The following TNN variants were observed in gnomAD, a reference collection of about 807,000 sequenced individuals.
TNN encodes tenascin-N.
In TNN, 122 loss-of-function variants were observed where a neutral mutation model predicts 134.4. The ratio of observed to expected loss-of-function variants is 0.91; its 90% confidence interval spans 0.78 to 1.06. TNN has a LOEUF of 1.06. Among genes scored for constraint, TNN ranks in the 50% least tolerant of loss-of-function variants. The pLI, the probability that TNN is intolerant of heterozygous loss-of-function variation, is 0.00. For synonymous variants in TNN, 710 were observed against 670.3 expected (o/e 1.06, Z -0.91); for missense variants, 1,739 against 1,699.4 (o/e 1.02, Z -0.41).
chr1:175,098,632 C>T (rs376917079), intron 9 of TNN, 37 bp downstream of exon 9: 3 of 1,613,242 alleles, frequency 1.9e-6, no homozygotes, highest in African/African-American at 2.7e-5. Flanking sequence ...CGATGCCATG[C>T]TCAGGGTCTG....
intron 12 of TNN, among the ~76,000 whole-genome samples, chr1:175,125,277 C>T (rs375003884): frequency 1.3e-4 from 19 of 151,964 alleles, no homozygotes; most frequent in Non-Finnish European, 1.9e-4. Flanking sequence ...AGCCTGGAGA[C>T]GTCTTTTTGG....
At chr1:175,078,948 G>T (rs1382420715) in intron 2 of TNN, among the ~76,000 whole-genome samples, 4 of 152,116 alleles carry the variant, frequency 2.6e-5, no homozygotes, top group African/African-American at 9.7e-5. Flanking sequence ...TGCAGTGTCA[G>T]CTGGCCAGGG....
chr1:175,141,033 T>C (rs1675933943), intron 17 of TNN, among the ~76,000 whole-genome samples: 1 of 152,194 alleles, frequency 6.6e-6, no homozygotes, highest in Admixed American at 6.5e-5. Context: ...GCATGCAGCC[T>C]GGCAGGAATG....
chr1:175,092,840 C>T (rs1355295617), intron 6 of TNN, among the ~76,000 whole-genome samples: 1 of 152,194 alleles, frequency 6.6e-6, no homozygotes, highest in Non-Finnish European at 1.5e-5. Context: ...CATGTTGAAT[C>T]CATCAGCAGA....
intron 9 of TNN, among the ~76,000 whole-genome samples, chr1:175,112,347 C>T (rs1351283493): frequency 6.6e-6 from 1 of 151,888 alleles, no homozygotes; most frequent in Admixed American, 6.6e-5. Flanking sequence ...CACTTGTATC[C>T]TCTTGCTGAA....
In TNN at chr1:175,088,627, G is replaced by A. The variant is rs564493376; in HGVS notation, c.1324+3133G>A. ...AAGCCTTCCTGTAGCCAGACTGTTT[G>A]TGGGGTTTCCTAACAGAAAGCTTAT... On this transcript the variant is annotated intron_variant, in intron 6 of 18. Coordinates refer to ENST00000239462, the MANE Select transcript of TNN (RefSeq NM_022093.2). 3.3e-5 allele frequency among the ~76,000 whole-genome samples: 5 copies of A among 152,296 alleles called. No homozygotes were observed. In the East Asian group the frequency reaches 7.7e-4, roughly 23 times the overall value.
rs764539179 is a variant in TNN, at chr1:175,135,888, G to T, written c.3374G>T (p.Arg1125Leu). ...RNTGQLDFFK[R>L]WRSYVEGFGD... The stretch of plus-strand genomic sequence containing the variant: ...ACTGGGCAGCTGGATTTCTTCAAGC[G>T]ATGGAGGAGCTATGTGGAAGGCTTT... Residue 1125 changes from arginine (R) to leucine (L), a missense_variant, in exon 16 of 19, where the codon CGA (arginine) becomes CTA (leucine). Physicochemically the swap from Arg to Leu is moderately radical, Grantham distance 102. Coordinates refer to ENST00000239462, the MANE Select transcript of TNN (RefSeq NM_022093.2). 1.2e-6 allele frequency: 2 copies of T among 1,613,846 alleles called. No individual in the cohort carries two copies. Among genetic ancestry groups the T allele is most frequent in the Admixed American group, 1.7e-5 (1 of 60,000 alleles).
rs377601989 is a variant in TNN at position 175,112,202 on chromosome 1, C to T, written c.2120-4737C>T. On this transcript the variant is annotated intron_variant, in intron 9 of 18. Transcript: ENST00000239462. ...CTTGTTTAGGGTTTTTATCATGAAA[C>T]GTTGTTGAATGTTATCAAATGCTTT... is the stretch of plus-strand genomic sequence containing the variant. Among the ~76,000 whole-genome samples, 4 of 151,912 alleles carry T rather than the reference C, an allele frequency of 2.6e-5. No homozygotes were observed. In the East Asian group the frequency reaches 5.8e-4, roughly 22 times the overall value.
chr1:175,093,563 CTG>C (rs141030186), intron 6 of TNN, among the ~76,000 whole-genome samples: 4,781 of 151,720 alleles, frequency 0.032, 250 homozygotes, highest in African/African-American at 0.11. Flanking sequence ...GGCCTGGAAA[CTG>C]TGATTTGGAA....
rs1388007949 is a variant in TNN, at chr1:175,077,568, G to A, written c.150G>A (p.Val50=). The A allele has an allele frequency of 6.2e-7, 1 of 1,614,116 alleles. No individual in the cohort carries two copies. Residue 50 remains valine (V), a synonymous_variant, in exon 2 of 19, where the codon GTG becomes GTA. Coordinates refer to ENST00000239462, the MANE Select transcript of TNN (RefSeq NM_022093.2). Reference sequence around the variant, plus strand: ...TCAGCCACACCTACAAGATCGATGTGCCCAAGTCTGCCTTGGTTCAGGTTG... The same window carrying A: ...TCAGCCACACCTACAAGATCGATGTACCCAAGTCTGCCTTGGTTCAGGTTG... The part of the protein sequence containing the change: ...VTVSHTYKID[V]PKSALVQVDA...
intron 7 of TNN, among the ~76,000 whole-genome samples, chr1:175,096,151 G>A (rs1674563491): frequency 1.3e-5 from 2 of 152,228 alleles, no homozygotes; most frequent in African/African-American, 4.8e-5. Context: ...ACTGAAGAAA[G>A]GGGACCTACC....
intron 15 of TNN, among the ~76,000 whole-genome samples, chr1:175,131,505 G>A (rs1334241166): frequency 6.6e-6 from 1 of 152,240 alleles, no homozygotes; most frequent in East Asian, 1.9e-4. Context: ...TCATTATAGG[G>A]TGTTTTCATC....
At chr1:175,108,757 G>C (rs973233387) in intron 9 of TNN, among the ~76,000 whole-genome samples, 3 of 151,424 alleles carry the variant, frequency 2.0e-5, no homozygotes, top group Non-Finnish European at 2.9e-5. Flanking sequence ...TCTGAGTGCG[G>C]GGCCCTCCAA....
intron 18 of TNN, 72 bp from the exon 19 acceptor site, chr1:175,146,859 T>C (rs546480873): frequency 3.6e-6 from 5 of 1,377,402 alleles, no homozygotes; most frequent in African/African-American, 1.5e-5. Flanking sequence ...ATTAATTCCT[T>C]TGTACCATAA....
At chr1:175,110,705 A>G (rs953301302) in intron 9 of TNN, among the ~76,000 whole-genome samples, 2 of 152,084 alleles carry the variant, frequency 1.3e-5, no homozygotes, top group African/African-American at 4.8e-5. Flanking sequence ...TGGGTTCTCT[A>G]TTCTGTTCCA....
At position 175,067,856 on chromosome 1, in the gene TNN, G is replaced by GC. The variant is rs1359660856; in HGVS notation, c.-114dup. ...GAGAGACGAGAACCAGGGACGACCAGCAAGTACCAAGGTCTGCGGCAGGAG... is the reference window on the plus strand; with the variant it reads ...GAGAGACGAGAACCAGGGACGACCAGCCAAGTACCAAGGTCTGCGGCAGGAG... On this transcript the variant is annotated 5_prime_UTR_variant, in exon 1 of 19. Transcript: ENST00000239462. 2.0e-6 allele frequency: 1 copy of GC among 500,738 alleles called. No individual in the cohort carries two copies. The highest frequency in any genetic ancestry group is 2.1e-5 in the Admixed American group (1 of 48,762). The allele number at this position is 500,738 out of a possible 1,614,324, so 31.0% of individuals were successfully genotyped here.
At chr1:175,090,610 C>A (rs145335811) in intron 6 of TNN, among the ~76,000 whole-genome samples, 1 of 152,186 alleles carries the variant, frequency 6.6e-6, no homozygotes, top group Non-Finnish European at 1.5e-5. Context: ...CAGGAGCTTT[C>A]GGATGTTACA....
rs963163887 is a variant in TNN at position 175,123,508 on chromosome 1, C to T, written c.2759C>T (p.Thr920Ile). The change falls in exon 12 of 19, where the codon ACC becomes ATC. Residue 920 changes from threonine (T) to isoleucine (I), a missense_variant. Thr to Ile is a moderately conservative substitution (Grantham distance 89, BLOSUM62 -1). Coordinates refer to ENST00000239462, the MANE Select transcript of TNN (RefSeq NM_022093.2). ...ATTGACAAGTACATGGTGCGCTACACCTCTGCTGACGGAGAGACCAGGGAG... is the reference window on the plus strand; with the variant it reads ...ATTGACAAGTACATGGTGCGCTACATCTCTGCTGACGGAGAGACCAGGGAG... Reference protein sequence around the residue: ...ATIDKYMVRYTSADGETREVP... With the variant: ...ATIDKYMVRYISADGETREVP... The T allele has an allele frequency of 3.7e-6, 6 of 1,613,966 alleles. No individual in the cohort carries two copies. Among genetic ancestry groups the T allele is most frequent in the Middle Eastern group, 1.6e-4 (1 of 6,082 alleles).
In TNN at chr1:175,117,162, G is replaced by C. The variant is rs1252654278; in HGVS notation, c.2343G>C (p.Lys781Asn). 6.2e-7 allele frequency: 1 copy of C among 1,614,144 alleles called. No homozygotes were observed. Among genetic ancestry groups the C allele is most frequent in the East Asian group, 2.2e-5 (1 of 44,902 alleles). The change falls in exon 10 of 19, where the codon AAG (lysine) becomes AAC (asparagine). Residue 781 changes from lysine to asparagine, a missense_variant. Transcript: ENST00000239462. ...ACACGGTGCACGTGTGGGCCCAGAA[G>C]GGGGCCCAGGAGAGCAAGAAGGCTG... is the stretch of plus-strand genomic sequence containing the variant. ...VEYTVHVWAQ[K>N]GAQESKKADT...
Sources: gnomAD v4.1 joint callset for allele counts (sites outside exome capture counted in the v4.1 genomes callset) on GRCh38, gnomAD v4.1.1 for gene constraint, MANE v1.5 for transcripts, NCBI Gene and HGNC (gene_info 2026-07-23, HGNC 2026-07-21) for gene names.